The following KCNH8 variants were observed in gnomAD, a reference collection of about 807,000 sequenced individuals.
KCNH8 encodes the protein potassium voltage-gated channel subfamily H member 8.
Under a neutral mutation model 103.6 loss-of-function variants are expected in KCNH8, and 70 were observed. That is an observed-to-expected ratio of 0.68 (90% CI 0.56 to 0.82). KCNH8 has a LOEUF of 0.82. KCNH8 is among the 40% of genes least tolerant of loss of function. The pLI, the probability that KCNH8 is intolerant of heterozygous loss-of-function variation, is 0.00. For missense variants in KCNH8, 1,217 were observed against 1,329.9 expected, an observed-to-expected ratio of 0.92 and a Z score of 1.32; for synonymous variants, 498 against 489.4, an observed-to-expected ratio of 1.02 and a Z score of -0.23.
At chr3:19,260,441 A>G (rs1269194436) in intron 2 of KCNH8, among the ~76,000 whole-genome samples, 4 of 144,920 alleles carry the variant, frequency 2.8e-5, no homozygotes, top group African/African-American at 5.0e-5. Flanking sequence ...TTACTTACTT[A>G]AAAACATTTT....
At chr3:19,326,368 T>TATATATATATATATATATATATATATAC (rs1315342008) in intron 3 of KCNH8, among the ~76,000 whole-genome samples, 1 of 147,084 alleles carries the variant, frequency 6.8e-6, no homozygotes, top group Non-Finnish European at 1.5e-5. Context: ...TATATATATA[T>TATATATATATATATATATATATATATAC]ATATATATAT....
At chr3:19,247,954 C>T (rs1019716865) in intron 1 of KCNH8, among the ~76,000 whole-genome samples, 3 of 152,116 alleles carry the variant, frequency 2.0e-5, no homozygotes, top group African/African-American at 7.2e-5. Context: ...AGTTGTGATT[C>T]TCAAACCTAA....
chr3:19,445,956 A>G (rs1169735382), intron 8 of KCNH8, among the ~76,000 whole-genome samples: 1 of 152,038 alleles, frequency 6.6e-6, no homozygotes, highest in Non-Finnish European at 1.5e-5. Flanking sequence ...CAGTTTAATA[A>G]TGGAAATAGG....
At chr3:19,429,875 C>A (rs970174830) in intron 7 of KCNH8, among the ~76,000 whole-genome samples, 5 of 152,096 alleles carry the variant, frequency 3.3e-5, no homozygotes, top group African/African-American at 1.2e-4. Context: ...CAGCTCCATC[C>A]GTGTTCCCAC....
chr3:19,227,953 T>C (rs138541718), intron 1 of KCNH8, among the ~76,000 whole-genome samples: 11 of 152,306 alleles, frequency 7.2e-5, no homozygotes, highest in Admixed American at 2.6e-4. Flanking sequence ...TTTCATGTAT[T>C]CCTCACTGAG....
chr3:19,242,265 T>C (rs536968214), intron 1 of KCNH8, among the ~76,000 whole-genome samples: 1 of 152,208 alleles, frequency 6.6e-6, no homozygotes, highest in African/African-American at 2.4e-5. Context: ...TAAATCCACA[T>C]GTGGATTAGG....
At chr3:19,166,584 G>A (rs1023403906) in intron 1 of KCNH8, among the ~76,000 whole-genome samples, 12 of 152,070 alleles carry the variant, frequency 7.9e-5, no homozygotes, top group East Asian at 1.9e-4. Flanking sequence ...AAAAAAACTC[G>A]CCTGCCTCAT....
intron 3 of KCNH8, among the ~76,000 whole-genome samples, chr3:19,287,114 A>G: frequency 6.6e-6 from 1 of 152,118 alleles, no homozygotes; most frequent in East Asian, 1.9e-4. Flanking sequence ...ATGCAAAAAA[A>G]AAAAGGTCAT....
chr3:19,483,985 A>G (rs1382135692), intron 11 of KCNH8, among the ~76,000 whole-genome samples: 1 of 152,142 alleles, frequency 6.6e-6, no homozygotes. Flanking sequence ...TGACAAATTT[A>G]CTTACTTTTG....
intron 3 of KCNH8, among the ~76,000 whole-genome samples, chr3:19,313,460 G>A (rs533251169): frequency 6.6e-6 from 1 of 151,716 alleles, no homozygotes; most frequent in South Asian, 2.1e-4. Flanking sequence ...TTACTGTAAG[G>A]ATCTAAAATT....
At chr3:19,410,544 G>A (rs554267573) in intron 7 of KCNH8, among the ~76,000 whole-genome samples, 54 of 151,708 alleles carry the variant, frequency 3.6e-4, no homozygotes, top group African/African-American at 1.1e-3. Flanking sequence ...AACAAAAATC[G>A]GAGTGGAACT....
intron 5 of KCNH8, among the ~76,000 whole-genome samples, chr3:19,373,285 C>G (rs1302658733): frequency 6.6e-6 from 1 of 152,134 alleles, no homozygotes; most frequent in Non-Finnish European, 1.5e-5. Flanking sequence ...GCCAGAATTT[C>G]AGATCCTGTT....
chr3:19,516,607 C>T (rs2068878371), intron 14 of KCNH8, among the ~76,000 whole-genome samples: 1 of 152,022 alleles, frequency 6.6e-6, no homozygotes, highest in Admixed American at 6.6e-5. Context: ...TGCACAGAAA[C>T]TCACCATTTC....
At chr3:19,226,497 C>T (rs1347724062) in intron 1 of KCNH8, among the ~76,000 whole-genome samples, 2 of 151,838 alleles carry the variant, frequency 1.3e-5, no homozygotes, top group African/African-American at 2.4e-5. Context: ...AGTAAGAGAC[C>T]GAGTTACATT....
At chr3:19,376,137 C>A (rs188588046) in intron 5 of KCNH8, among the ~76,000 whole-genome samples, 42 of 151,340 alleles carry the variant, frequency 2.8e-4, no homozygotes, top group African/African-American at 3.1e-4. Flanking sequence ...CCAGTTCGAG[C>A]GTCCAGGCTG....
At chr3:19,314,314 T>C (rs2065245188) in intron 3 of KCNH8, among the ~76,000 whole-genome samples, 1 of 151,946 alleles carries the variant, frequency 6.6e-6, no homozygotes, top group Non-Finnish European at 1.5e-5. Flanking sequence ...AGCCCAGCAC[T>C]GTAATCTCAG....
At chr3:19,191,381 ATGT>A (rs900197637) in intron 1 of KCNH8, among the ~76,000 whole-genome samples, 72 of 151,946 alleles carry the variant, frequency 4.7e-4, no homozygotes, top group African/African-American at 1.7e-3. Context: ...AAGTGATGTC[ATGT>A]TGTTATGATT....
At chr3:19,452,841 C>T (rs2067470313) in intron 10 of KCNH8, among the ~76,000 whole-genome samples, 1 of 152,106 alleles carries the variant, frequency 6.6e-6, no homozygotes, top group Non-Finnish European at 1.5e-5. Flanking sequence ...ACTCTGTATT[C>T]AGCATTCCTT....
At chr3:19,330,309 T>G (rs2065488445) in intron 3 of KCNH8, among the ~76,000 whole-genome samples, 1 of 152,182 alleles carries the variant, frequency 6.6e-6, no homozygotes, top group South Asian at 2.1e-4. Context: ...CTTCCTTATA[T>G]TCCACAAATA....
Sources: gnomAD v4.1 joint callset for allele counts (sites outside exome capture counted in the v4.1 genomes callset) on GRCh38, gnomAD v4.1.1 for gene constraint, MANE v1.5 for transcripts, NCBI Gene and HGNC (gene_info 2026-07-23, HGNC 2026-07-21) for gene names.